Variants in CFAP52 observed in about 807,000 individuals in gnomAD.
CFAP52 encodes the protein cilia and flagella associated protein 52.
Under a neutral mutation model 70.5 loss-of-function variants are expected in CFAP52, and 57 were observed. The ratio of observed to expected loss-of-function variants is 0.81; its 90% confidence interval spans 0.65 to 1.01. The LOEUF (loss-of-function observed/expected upper bound fraction) is 1.01, where lower values mean the gene tolerates loss of function less well. CFAP52 is among the 50% of genes least tolerant of loss of function. The pLI, the probability that CFAP52 is intolerant of heterozygous loss-of-function variation, is 0.00. For missense variants in CFAP52, 785 were observed against 788.5 expected (o/e 1.00, Z 0.05); for synonymous variants, 267 against 292.5 (o/e 0.91, Z 0.89).
At chr17:9,611,737 T>G (rs1909718059) in intron 7 of CFAP52, among the ~76,000 whole-genome samples, 1 of 152,226 alleles carries the variant, frequency 6.6e-6, no homozygotes, top group Non-Finnish European at 1.5e-5. Context: ...ATAAACATTT[T>G]CAGTATTATG....
Position 9,643,228 on chromosome 17 carries a change from T to C in CFAP52, c.*30T>C, listed in dbSNP as rs1297890132. ...GATGAGATGTCTCTGAGCCTTGGCGTTGCACGCAGTCCTGTTGAAGACTGA... is the reference window on the plus strand; with the variant it reads ...GATGAGATGTCTCTGAGCCTTGGCGCTGCACGCAGTCCTGTTGAAGACTGA... On this transcript the variant is annotated 3_prime_UTR_variant, in exon 14 of 14. Transcript: ENST00000352665. The C allele has an allele frequency of 2.6e-6, 4 of 1,554,822 alleles. No homozygotes were observed. In the African/African-American group the frequency reaches 5.4e-5, roughly 21 times the overall value.
At chr17:9,627,140 C>A (rs1254503972) in intron 8 of CFAP52, among the ~76,000 whole-genome samples, 1 of 146,150 alleles carries the variant, frequency 6.8e-6, no homozygotes, top group Non-Finnish European at 1.5e-5. Context: ...GCTTGACAGA[C>A]AAAAGAAGGG....
At position 9,643,160 on chromosome 17, in the gene CFAP52, G is replaced by A. The variant is rs752629234; in HGVS notation, c.1825G>A (p.Gly609Arg). 1 of 1,612,624 alleles carries A rather than the reference G, an allele frequency of 6.2e-7. No homozygotes were observed. Among genetic ancestry groups the A allele is most frequent in the Admixed American group, 1.7e-5 (1 of 59,744 alleles). ...NQYIVSVSAD[G>R]AILRWKYPYT... is the part of the protein sequence containing the mutation. ...ATATATTGTTAGTGTAAGTGCCGAT[G>A]GAGCCATTTTGCGATGGAAGTACCC... is the stretch of plus-strand genomic sequence containing the variant. Residue 609 changes from glycine to arginine, a missense_variant, in exon 14 of 14, where the codon GGA becomes AGA. Gly to Arg is a moderately radical substitution (Grantham distance 125). Transcript: ENST00000352665.
chr17:9,645,442 G>A, downstream of CFAP52: 1 of 387,156 alleles, frequency 2.6e-6, no homozygotes, highest in Non-Finnish European at 4.0e-6. This position sits in a 1 kb window ranked among gnomAD's most constrained non-coding sequence, Gnocchi z 6.8. Flanking sequence ...CCCTGGAGGG[G>A]GCTGGTCGTG....
chr17:9,608,104 A>G lies in CFAP52; in HGVS notation c.754-15A>G, dbSNP rs375072760. On this transcript the variant is annotated splice_polypyrimidine_tract_variant and intron_variant, in intron 6 of 13. Coordinates refer to ENST00000352665, the MANE Select transcript of CFAP52 (RefSeq NM_145054.5). ...AGATTTTTGTGCTTTTTCTTAACAC[A>G]GTTTTTCCCCCTAGGGAGTGTCAGC... 2.5e-6 allele frequency: 4 copies of G among 1,599,820 alleles called. No homozygotes were observed. The highest frequency in any genetic ancestry group is 1.1e-5 in the South Asian group (1 of 88,980).
At position 9,630,574 on chromosome 17, in the gene CFAP52, C is replaced by T. The variant is rs553157690; in HGVS notation, c.1174+1754C>T. Among the ~76,000 whole-genome samples, 576 of 149,682 alleles carry T rather than the reference C, an allele frequency of 3.8e-3. 5 individuals are homozygous for T. The highest frequency in any genetic ancestry group is 0.013 in the African/African-American group (540 of 40,818). On this transcript the variant is annotated intron_variant, in intron 9 of 13. Coordinates refer to ENST00000352665, the MANE Select transcript of CFAP52 (RefSeq NM_145054.5). The stretch of plus-strand genomic sequence containing the variant: ...CCTCCCGAGTAGCTGGGACTACAGG[C>T]GCCCGCTACCACGCCCGGCTAATTT...
chr17:9,594,792 C>G (rs1908923298), intron 4 of CFAP52, among the ~76,000 whole-genome samples: 2 of 151,876 alleles, frequency 1.3e-5, no homozygotes, highest in South Asian at 4.2e-4. Flanking sequence ...GGTGACCTAG[C>G]TGAAAGTTTG....
At chr17:9,614,830 C>A (rs1206656508) in intron 8 of CFAP52, among the ~76,000 whole-genome samples, 1 of 152,164 alleles carries the variant, frequency 6.6e-6, no homozygotes, top group Non-Finnish European at 1.5e-5. Flanking sequence ...GTCCCCAGAC[C>A]TTGCCAAACT....
At position 9,584,736 on chromosome 17, in the gene CFAP52, C is replaced by G. The variant is rs1160002425; in HGVS notation, c.71-1037C>G. Among the ~76,000 whole-genome samples the G allele has an allele frequency of 2.6e-5, 4 of 151,978 alleles. No homozygotes were observed. In the East Asian group the frequency reaches 7.8e-4, roughly 29 times the overall value. ...TCGTGGGTTCCAGTGATTCTCCTGC[C>G]TCAGCCTCCCGAGTAGCTGGGATTA... On this transcript the variant is annotated intron_variant, in intron 1 of 13. Coordinates refer to ENST00000352665, the MANE Select transcript of CFAP52 (RefSeq NM_145054.5).
chr17:9,609,781 G>A (rs376634882), intron 7 of CFAP52, among the ~76,000 whole-genome samples: 3 of 152,168 alleles, frequency 2.0e-5, no homozygotes, highest in African/African-American at 7.2e-5. Flanking sequence ...GGCTTATTGA[G>A]AATGTTTTAG....
intron 9 of CFAP52, 60 bp downstream of exon 9, chr17:9,628,880 C>A: frequency 6.2e-7 from 1 of 1,606,896 alleles, no homozygotes; most frequent in South Asian, 1.1e-5. Flanking sequence ...ATTCTTGTCA[C>A]TCTCCTCCCA....
At position 9,607,793 on chromosome 17, in the gene CFAP52, C is replaced by G. The variant is rs111389188; in HGVS notation, c.754-326C>G. On this transcript the variant is annotated intron_variant, in intron 6 of 13. Coordinates refer to ENST00000352665, the MANE Select transcript of CFAP52 (RefSeq NM_145054.5). ...GTTTTAGGGAGGAAGGATGGTGAAGCCTGTTTGCATCCTGTAGGCCCAGGA... is the reference window on the plus strand; with the variant it reads ...GTTTTAGGGAGGAAGGATGGTGAAGGCTGTTTGCATCCTGTAGGCCCAGGA... 9.7e-3 allele frequency among the ~76,000 whole-genome samples: 1,469 copies of G among 152,092 alleles called. 22 individuals carry two copies. The highest frequency in any genetic ancestry group is 0.034 in the African/African-American group (1,396 of 41,464).
intron 12 of CFAP52, chr17:9,638,995 G>T: frequency 2.7e-6 from 1 of 365,014 alleles, no homozygotes; most frequent in Non-Finnish European, 5.0e-6. Context: ...GTACTCAATA[G>T]ATTGGTTTTT....
At chr17:9,641,345 C>T (rs1481431992) in intron 12 of CFAP52, among the ~76,000 whole-genome samples, 1 of 152,156 alleles carries the variant, frequency 6.6e-6, no homozygotes, top group East Asian at 1.9e-4. Flanking sequence ...GGGGAGTGCT[C>T]ATCCCCCAGT....
intron 1 of CFAP52, among the ~76,000 whole-genome samples, chr17:9,585,440 G>A (rs932474630): frequency 3.3e-5 from 5 of 152,110 alleles, no homozygotes; most frequent in East Asian, 1.9e-4. Flanking sequence ...AGGCTAAGGT[G>A]GACGGATCAC....
chr17:9,640,198 G>A (rs189019940), intron 12 of CFAP52, among the ~76,000 whole-genome samples: 63 of 150,642 alleles, frequency 4.2e-4, no homozygotes, highest in African/African-American at 1.4e-3. Context: ...GTGCAGGTTT[G>A]CACTCCTGAT....
At chr17:9,627,123 T>G (rs1055973540) in intron 8 of CFAP52, among the ~76,000 whole-genome samples, 1 of 152,090 alleles carries the variant, frequency 6.6e-6, no homozygotes, top group Admixed American at 6.6e-5. Context: ...TTTTTTTTTT[T>G]TTTTGAGCTT....
chr17:9,632,209 C>G (rs184127925), intron 9 of CFAP52, among the ~76,000 whole-genome samples: 1 of 151,596 alleles, frequency 6.6e-6, no homozygotes, highest in East Asian at 1.9e-4. Flanking sequence ...TCCCGAGTAG[C>G]TAGGACTAAA....
chr17:9,585,312 G>A (rs913632566), intron 1 of CFAP52, among the ~76,000 whole-genome samples: 3 of 152,112 alleles, frequency 2.0e-5, no homozygotes, highest in Non-Finnish European at 4.4e-5. Context: ...CTAGATGAAC[G>A]TTTTTGTCAG....
Sources: allele counts gnomAD v4.1 joint callset (sites outside exome capture counted in the v4.1 genomes callset), GRCh38; gene constraint gnomAD v4.1.1; non-coding constraint Gnocchi (gnomAD v3.1); transcripts MANE v1.5; gene names NCBI Gene and HGNC (gene_info 2026-07-23, HGNC 2026-07-21).